Variants in CHCHD6 observed in about 807,000 individuals in gnomAD.
CHCHD6 encodes coiled-coil-helix-coiled-coil-helix domain containing 6.
In CHCHD6, 28 loss-of-function variants were observed where a neutral mutation model predicts 32.3. The ratio of observed to expected loss-of-function variants is 0.87; its 90% confidence interval spans 0.64 to 1.19. The LOEUF is 1.19. CHCHD6 is among the 50% of genes most tolerant of loss of function. The pLI is 0.00. For missense variants in CHCHD6, 333 were observed against 307.0 expected (o/e 1.08, Z -0.63); for synonymous variants, 122 against 117.5 (o/e 1.04, Z -0.25).
chr3:126,895,267 A>C (rs899789609), intron 5 of CHCHD6, among the ~76,000 whole-genome samples: 3 of 152,206 alleles, frequency 2.0e-5, no homozygotes, highest in African/African-American at 7.2e-5. Context: ...GACTTGCCGG[A>C]GGGCACAGTG....
intron 5 of CHCHD6, among the ~76,000 whole-genome samples, chr3:126,874,078 G>A (rs1345022745): frequency 1.3e-5 from 2 of 152,124 alleles, no homozygotes; most frequent in African/African-American, 2.4e-5. Flanking sequence ...GGGCCATGTC[G>A]GGTCCCCTCC....
chr3:126,800,122 A>G (rs542555206), intron 4 of CHCHD6, among the ~76,000 whole-genome samples: 38 of 152,348 alleles, frequency 2.5e-4, no homozygotes, highest in African/African-American at 8.4e-4. Flanking sequence ...TTATATTTTT[A>G]GAAATCATCA....
At chr3:126,936,525 G>T (rs568022399) in intron 6 of CHCHD6, among the ~76,000 whole-genome samples, 587 of 152,240 alleles carry the variant, frequency 3.9e-3, no homozygotes, top group Non-Finnish European at 7.0e-3. Flanking sequence ...TCTATATTTT[G>T]TCAAATACAT....
intron 4 of CHCHD6, among the ~76,000 whole-genome samples, chr3:126,741,184 G>A (rs1390996688): frequency 6.6e-6 from 1 of 152,210 alleles, no homozygotes; most frequent in Admixed American, 6.5e-5. Flanking sequence ...CATCACTGTG[G>A]TTCCTTCGTG....
In CHCHD6 at chr3:126,852,729, A is replaced by C; in HGVS notation, c.494A>C (p.Lys165Thr). ...GAGCAGCTGGAGCGTATTGAGAGGA[A>C]GGTAAGACTCCTGCTTGGCTGCATT... ...YKEQLERIERKNAEMYKLSSE... is the reference protein window; with the variant it reads ...YKEQLERIERTNAEMYKLSSE... The change falls in exon 5 of 8, where the codon AAG becomes ACG. Residue 165 changes from lysine (K) to threonine (T), a missense_variant and splice_region_variant. Transcript: ENST00000290913. 6.2e-7 allele frequency: 1 copy of C among 1,608,170 alleles called. No individual in the cohort carries two copies.
chr3:126,801,036 A>G (rs990766159), intron 4 of CHCHD6, among the ~76,000 whole-genome samples: 1 of 152,264 alleles, frequency 6.6e-6, no homozygotes, highest in Non-Finnish European at 1.5e-5. Flanking sequence ...TTCCTCTAAC[A>G]TGACCAAAAT....
rs565134313 is a variant in CHCHD6, at chr3:126,767,376, C to T, written c.411+34154C>T. On this transcript the variant is annotated intron_variant, in intron 4 of 7. Transcript: ENST00000290913. ...CCACATGCTGCAGACATGATCACTT[C>T]GTGGCTGAGGCCCTCGATGAGTCTG... 634 of 784,450 alleles carry T rather than the reference C, an allele frequency of 8.1e-4. 1 individual carries two copies. Among genetic ancestry groups the T allele is most frequent in the Non-Finnish European group, 1.1e-3 (454 of 428,366 alleles). 48.6% of individuals were successfully genotyped at this position (784,450 alleles called of 1,614,324 possible). A position where few individuals can be genotyped will look rare whatever the true frequency, so the allele number is the denominator to read the frequency against.
At chr3:126,880,153 A>G (rs936839683) in intron 5 of CHCHD6, among the ~76,000 whole-genome samples, 5 of 152,260 alleles carry the variant, frequency 3.3e-5, no homozygotes, top group African/African-American at 1.2e-4. Flanking sequence ...CTGGGATAAG[A>G]GGAGGGCAGT....
chr3:126,846,330 G>C lies in CHCHD6; in HGVS notation c.412-6317G>C, dbSNP rs566391993. 2.0e-5 allele frequency among the ~76,000 whole-genome samples: 3 copies of C among 152,286 alleles called. No individual in the cohort carries two copies. The East Asian group carries it at 5.8e-4, about 29-fold the overall frequency. Reference sequence around the variant, plus strand: ...AATATTATAGCTGCCTGGGGAGGTAGATAACAATTTGGGCAAACAATAGGG... The same window carrying C: ...AATATTATAGCTGCCTGGGGAGGTACATAACAATTTGGGCAAACAATAGGG... On this transcript the variant is annotated intron_variant, in intron 4 of 7. Coordinates refer to ENST00000290913, the MANE Select transcript of CHCHD6 (RefSeq NM_032343.3).
intron 4 of CHCHD6, among the ~76,000 whole-genome samples, chr3:126,767,719 G>A (rs1937435617): frequency 6.6e-6 from 1 of 152,130 alleles, no homozygotes; most frequent in Admixed American, 6.5e-5. Context: ...TACCCAAAGG[G>A]TATTTTTTCT....
intron 4 of CHCHD6, among the ~76,000 whole-genome samples, chr3:126,774,641 A>G (rs1429305633): frequency 6.6e-6 from 1 of 152,110 alleles, no homozygotes; most frequent in Non-Finnish European, 1.5e-5. Context: ...GGTGGTAGTC[A>G]GAGCTCCACC....
chr3:126,740,351 G>T (rs750196762), intron 4 of CHCHD6, among the ~76,000 whole-genome samples: 1 of 152,160 alleles, frequency 6.6e-6, no homozygotes, highest in Non-Finnish European at 1.5e-5. Flanking sequence ...CTGTGCACTG[G>T]TGCCTTGGGT....
chr3:126,958,148 C>T (rs2078813084), intron 7 of CHCHD6, among the ~76,000 whole-genome samples: 1 of 151,804 alleles, frequency 6.6e-6, no homozygotes, highest in Non-Finnish European at 1.5e-5. Flanking sequence ...CCAGCTCCTA[C>T]TGCCTTCCTC....
At chr3:126,705,236 AT>A (rs1250409642) in intron 1 of CHCHD6, among the ~76,000 whole-genome samples, 3 of 152,190 alleles carry the variant, frequency 2.0e-5, no homozygotes, top group African/African-American at 4.8e-5. Flanking sequence ...TATTATTTTC[AT>A]AGCACTCATC....
chr3:126,750,811 G>A (rs1274918934), intron 4 of CHCHD6, among the ~76,000 whole-genome samples: 1 of 152,212 alleles, frequency 6.6e-6, no homozygotes, highest in African/African-American at 2.4e-5. Context: ...ACCATAAATG[G>A]AAAGTTTTTC....
At chr3:126,959,025 C>T (rs2078825407) in intron 7 of CHCHD6, among the ~76,000 whole-genome samples, 1 of 152,232 alleles carries the variant, frequency 6.6e-6, no homozygotes, top group African/African-American at 2.4e-5. Flanking sequence ...CAGTGGCCAG[C>T]CCTAGACTCC....
At chr3:126,889,143 CG>C (rs1337874642) in intron 5 of CHCHD6, among the ~76,000 whole-genome samples, 10 of 152,040 alleles carry the variant, frequency 6.6e-5, no homozygotes, top group African/African-American at 1.9e-4. Flanking sequence ...GAGGTGGTGT[CG>C]GGGTGGACTA....
intron 1 of CHCHD6, 39 bp downstream of exon 1, chr3:126,704,438 C>T (rs1934370586): frequency 7.5e-7 from 1 of 1,330,374 alleles, no homozygotes; most frequent in South Asian, 1.6e-5. Context: ...GCGTGGAGGC[C>T]GCGGGCGCGG....
intron 6 of CHCHD6, among the ~76,000 whole-genome samples, chr3:126,943,326 GA>G (rs1223485350): frequency 6.6e-6 from 1 of 152,206 alleles, no homozygotes; most frequent in African/African-American, 2.4e-5. Context: ...ACTTCAGGTT[GA>G]TGGAAGTTAG....
Sources: allele counts gnomAD v4.1 joint callset (sites outside exome capture counted in the v4.1 genomes callset), GRCh38; gene constraint gnomAD v4.1.1; transcripts MANE v1.5; gene names NCBI Gene and HGNC (gene_info 2026-07-23, HGNC 2026-07-21).